MRPL48: variants seen among roughly 807,000 people sequenced by gnomAD.
MRPL48 encodes the protein mitochondrial ribosomal protein L48.
Under a neutral mutation model 32.9 loss-of-function variants are expected in MRPL48, and 16 were observed. The ratio of observed to expected loss-of-function variants is 0.49; its 90% CI spans 0.33 to 0.74. The LOEUF is 0.74. Among genes scored for constraint, MRPL48 ranks in the 30% least tolerant of loss-of-function variants. The pLI, the probability that MRPL48 is intolerant of heterozygous loss-of-function variation, is 0.02. For synonymous variants in MRPL48, 94 were observed against 89.2 expected (o/e 1.05, Z -0.31); for missense variants, 206 against 245.3 (o/e 0.84, Z 1.07).
chr11:73,805,038 G>A lies in MRPL48; in HGVS notation c.33G>A (p.Leu11=), dbSNP rs1380487403. 1 of 1,590,934 alleles carries A rather than the reference G, an allele frequency of 6.3e-7. No individual in the cohort carries two copies. The highest frequency in any genetic ancestry group is 8.6e-7 in the Non-Finnish European group (1 of 1,167,692). The change falls in exon 2 of 8, where the codon CTG becomes CTA. Residue 11 remains leucine (L), a synonymous_variant. Coordinates refer to ENST00000310614, the MANE Select transcript of MRPL48 (RefSeq NM_016055.6). ...CTGTTTTGCTGTAGGTGCTGTGCCT[G>A]AGGAACAATACCATTTTTAAGCAAG... is the stretch of plus-strand genomic sequence containing the variant. MSGTLEKVLC[L]RNNTIFKQAF... is the part of the protein sequence containing the mutation.
At chr11:73,839,131 T>C (rs879419378) in intron 4 of MRPL48, among the ~76,000 whole-genome samples, 4 of 152,228 alleles carry the variant, frequency 2.6e-5, no homozygotes, top group Non-Finnish European at 5.9e-5. Context: ...AAAACATTCC[T>C]GTGAGATCAG....
At chr11:73,809,838 T>C (rs1947534608) in intron 3 of MRPL48, among the ~76,000 whole-genome samples, 1 of 152,364 alleles carries the variant, frequency 6.6e-6, no homozygotes, top group Admixed American at 6.5e-5. Context: ...TTTTACTCAG[T>C]GCCTACTGTG....
chr11:73,844,683 G>A (rs1948254036), intron 4 of MRPL48, 124 bp from the exon 5 acceptor site: 2 of 1,114,192 alleles, frequency 1.8e-6, no homozygotes, highest in East Asian at 2.6e-5. Context: ...TGTAGGTGGG[G>A]TAACCTGAGA....
At chr11:73,840,573 C>T (rs1438707867) in intron 4 of MRPL48, among the ~76,000 whole-genome samples, 2 of 152,168 alleles carry the variant, frequency 1.3e-5, no homozygotes, top group Non-Finnish European at 2.9e-5. Context: ...GATCTCAGCT[C>T]ATTGCAACCT....
intron 1 of MRPL48, among the ~76,000 whole-genome samples, chr11:73,794,184 G>GTATCTATC (rs56944899): frequency 0.1 from 14,059 of 139,104 alleles, 798 homozygotes; most frequent in Non-Finnish European, 0.13. Context: ...GTGAGACCCT[G>GTATCTATC]TATCTATCTA....
chr11:73,848,575 T>C (rs562117485), intron 5 of MRPL48, among the ~76,000 whole-genome samples: 1 of 152,030 alleles, frequency 6.6e-6, no homozygotes, highest in South Asian at 2.1e-4. Context: ...AGTCTTCTGA[T>C]TCATTAACAC....
chr11:73,853,733 C>T (rs1207976374), intron 5 of MRPL48, among the ~76,000 whole-genome samples: 1 of 131,554 alleles, frequency 7.6e-6, no homozygotes, highest in Non-Finnish European at 1.5e-5. Context: ...CTCTGTTGCC[C>T]AGGCTAGAGT....
rs2134928682 is a variant in MRPL48 at position 73,793,579 on chromosome 11, A to G, written c.21+5587A>G. On this transcript the variant is annotated intron_variant, in intron 1 of 7. Transcript: ENST00000310614. ...TAGAGAAAATATATTCCAGATAAGG[A>G]GAAGAACATGTGTAAAGGTCCTGAA... Among the ~76,000 whole-genome samples the G allele has an allele frequency of 2.0e-5, 3 of 152,294 alleles. No individual in the cohort carries two copies. The Middle Eastern group carries it at 0.01, about 518-fold the overall frequency.
At chr11:73,806,964 G>A (rs1947465183) in intron 2 of MRPL48, among the ~76,000 whole-genome samples, 1 of 152,014 alleles carries the variant, frequency 6.6e-6, no homozygotes, top group African/African-American at 2.4e-5. Flanking sequence ...CTACCATCCA[G>A]GTTCAAGCAA....
Position 73,805,011 on chromosome 11 carries a change from G to A in MRPL48, c.22-16G>A. The A allele has an allele frequency of 1.3e-6, 2 of 1,583,764 alleles. No homozygotes were observed. The highest frequency in any genetic ancestry group is 1.7e-6 in the Non-Finnish European group (2 of 1,163,656). ...TAAATGCTTAAGATTGTCCTAACATGGCTGTTTTGCTGTAGGTGCTGTGCC... is the reference window on the plus strand; with the variant it reads ...TAAATGCTTAAGATTGTCCTAACATAGCTGTTTTGCTGTAGGTGCTGTGCC... On this transcript the variant is annotated splice_polypyrimidine_tract_variant and intron_variant, in intron 1 of 7. Coordinates refer to ENST00000310614, the MANE Select transcript of MRPL48 (RefSeq NM_016055.6).
intron 5 of MRPL48, among the ~76,000 whole-genome samples, chr11:73,856,900 T>TA (rs908264002): frequency 1.3e-4 from 20 of 151,972 alleles, no homozygotes; most frequent in African/African-American, 4.8e-4. Flanking sequence ...AGACAAAAAA[T>TA]AAAAAATAAA....
intron 4 of MRPL48, among the ~76,000 whole-genome samples, chr11:73,836,016 C>A (rs565954782): frequency 2.6e-5 from 4 of 152,156 alleles, no homozygotes; most frequent in South Asian, 4.1e-4. Flanking sequence ...TCACTGCAAC[C>A]TTTTCCTCCT....
At chr11:73,848,987 A>C (rs963984961) in intron 5 of MRPL48, among the ~76,000 whole-genome samples, 1 of 151,502 alleles carries the variant, frequency 6.6e-6, no homozygotes, top group Non-Finnish European at 1.5e-5. Context: ...ATGCCTGGCT[A>C]ATTTTTTGTA....
intron 6 of MRPL48, among the ~76,000 whole-genome samples, chr11:73,861,213 T>C (rs1305843060): frequency 6.6e-6 from 1 of 152,222 alleles, no homozygotes; most frequent in Admixed American, 6.5e-5. Context: ...AAATTATTTA[T>C]AATATATCCT....
intron 3 of MRPL48, among the ~76,000 whole-genome samples, chr11:73,812,738 A>ATATATATATATATATATATT (rs112576224): frequency 7.0e-6 from 1 of 142,064 alleles, no homozygotes; most frequent in Non-Finnish European, 1.5e-5. Flanking sequence ...ATATATATAT[A>ATATATATATATATATATATT]TATTTATTTA....
rs1591017617 is a variant in MRPL48 at position 73,864,455 on chromosome 11, A to T, written c.*85A>T. 7.4e-7 allele frequency: 1 copy of T among 1,349,240 alleles called. No individual in the cohort carries two copies. The highest frequency in any genetic ancestry group is 1.2e-5 in the South Asian group (1 of 81,186). 83.6% of individuals were successfully genotyped at this position (1,349,240 alleles called of 1,614,324 possible). The stretch of plus-strand genomic sequence containing the variant: ...CTGGGTAGTTAGAGTTCATCAGGAG[A>T]CCCAACCCTTAGATTTCATAAGTAC... On this transcript the variant is annotated 3_prime_UTR_variant, in exon 8 of 8. Transcript: ENST00000310614.
At chr11:73,845,104 T>C in intron 5 of MRPL48, 128 bp downstream of exon 5, 1 of 919,412 alleles carries the variant, frequency 1.1e-6, no homozygotes, top group African/African-American at 1.7e-5. Context: ...TATAATGTAC[T>C]ACAATAAAAA....
Position 73,808,297 on chromosome 11 carries a change from T to G in MRPL48, c.75-16T>G. 6.3e-7 allele frequency: 1 copy of G among 1,599,028 alleles called. No individual in the cohort carries two copies. Among genetic ancestry groups the G allele is most frequent in the Non-Finnish European group, 8.5e-7 (1 of 1,170,826 alleles). On this transcript the variant is annotated splice_polypyrimidine_tract_variant and intron_variant, in intron 2 of 7. Transcript: ENST00000310614. ...GGTTTCTAATTGTATTGAACATACT[T>G]TCTCCCTCCTTTTAGGTTTAGAACT...
At chr11:73,828,227 C>CTTT (rs34182477) in intron 4 of MRPL48, among the ~76,000 whole-genome samples, 1 of 131,958 alleles carries the variant, frequency 7.6e-6, no homozygotes, top group South Asian at 2.4e-4. Flanking sequence ...CAAAATAATT[C>CTTT]TTTTTTTTTT....
Sources: allele counts gnomAD v4.1 joint callset (sites outside exome capture counted in the v4.1 genomes callset), GRCh38; gene constraint gnomAD v4.1.1; transcripts MANE v1.5; gene names NCBI Gene and HGNC (gene_info 2026-07-23, HGNC 2026-07-21).